BRINP1: variants seen among roughly 807,000 people sequenced by gnomAD.
BRINP1 encodes BMP/retinoic acid-inducible neural-specific protein 1.
In BRINP1, 17 loss-of-function variants were observed where a neutral mutation model predicts 72.9. The observed-to-expected ratio is 0.23, with a 90% confidence interval of 0.16 to 0.35. BRINP1 has a LOEUF of 0.35. Among genes scored for constraint, BRINP1 ranks in the 10% least tolerant of loss-of-function variants. The pLI is 1.00. For synonymous variants in BRINP1, 418 were observed against 378.5 expected, an observed-to-expected ratio of 1.10 and a Z score of -1.21; for missense variants, 850 against 1,001.6, an observed-to-expected ratio of 0.85 and a Z score of 2.04.
chr9:119,195,170 A>T (rs1186620339), intron 7 of BRINP1, among the ~76,000 whole-genome samples: 2 of 152,098 alleles, frequency 1.3e-5, no homozygotes, highest in Admixed American at 1.3e-4. Context: ...TATCTTCTAG[A>T]TCTTGAGCTG....
At chr9:119,232,170 C>G (rs1384095881) in intron 5 of BRINP1, among the ~76,000 whole-genome samples, 2 of 152,146 alleles carry the variant, frequency 1.3e-5, no homozygotes, top group Non-Finnish European at 2.9e-5. Context: ...ACTTCTCTCT[C>G]TCACAAATAC....
chr9:119,206,090 C>T (rs1280688859), intron 7 of BRINP1, among the ~76,000 whole-genome samples: 1 of 152,058 alleles, frequency 6.6e-6, no homozygotes, highest in African/African-American at 2.4e-5. Context: ...TTTAGGTCAG[C>T]TCTAATCCAA....
intron 2 of BRINP1, among the ~76,000 whole-genome samples, chr9:119,252,963 C>T (rs1338183452): frequency 6.6e-6 from 1 of 152,146 alleles, no homozygotes; most frequent in African/African-American, 2.4e-5. Context: ...ATGCCTATGC[C>T]AGGTACCCAG....
chr9:119,241,624 G>T (rs1250148963), intron 4 of BRINP1, among the ~76,000 whole-genome samples: 1 of 152,144 alleles, frequency 6.6e-6, no homozygotes, highest in Non-Finnish European at 1.5e-5. Flanking sequence ...GGTGAGTGGG[G>T]AGGAAAGAAT....
chr9:119,252,689 T>G (rs903296687), intron 2 of BRINP1, among the ~76,000 whole-genome samples: 6 of 152,080 alleles, frequency 3.9e-5, no homozygotes, highest in Non-Finnish European at 5.9e-5. Flanking sequence ...TTAAAGGTCA[T>G]GTAGCTAATG....
chr9:119,294,233 T>C lies in BRINP1; in HGVS notation c.218+18905A>G, dbSNP rs1260891171. On this transcript the variant is annotated intron_variant, in intron 2 of 7. Transcript: ENST00000265922. ...AGTAAAAGACATATATTCTGAAAAT[T>C]ATAAAACGTTGATGAGGCTGGGCAC... Among the ~76,000 whole-genome samples, 4 of 152,124 alleles carry C rather than the reference T, an allele frequency of 2.6e-5. No individual in the cohort carries two copies. In the East Asian group the frequency reaches 7.7e-4, roughly 29 times the overall value.
At chr9:119,349,816 T>C (rs1223201280) in intron 1 of BRINP1, among the ~76,000 whole-genome samples, 1 of 152,194 alleles carries the variant, frequency 6.6e-6, no homozygotes, top group Non-Finnish European at 1.5e-5. Context: ...CAGGAAAACC[T>C]GGATTCAGAT....
chr9:119,185,529 C>T (rs1468237413), intron 7 of BRINP1, among the ~76,000 whole-genome samples: 1 of 152,092 alleles, frequency 6.6e-6, no homozygotes, highest in Non-Finnish European at 1.5e-5. Flanking sequence ...CGTTGCCCAA[C>T]ACAAAAAAGG....
At chr9:119,311,149 T>C (rs893812382) in intron 2 of BRINP1, among the ~76,000 whole-genome samples, 2 of 152,214 alleles carry the variant, frequency 1.3e-5, no homozygotes, top group African/African-American at 2.4e-5. Context: ...AACTACTATA[T>C]TTATTTTACT....
chr9:119,342,521 C>A (rs1195314558), intron 1 of BRINP1, among the ~76,000 whole-genome samples: 1 of 152,150 alleles, frequency 6.6e-6, no homozygotes, highest in Non-Finnish European at 1.5e-5. Context: ...CCCAAACCTG[C>A]CAAATACAAC....
At chr9:119,290,444 C>A (rs1830809842) in intron 2 of BRINP1, among the ~76,000 whole-genome samples, 1 of 152,110 alleles carries the variant, frequency 6.6e-6, no homozygotes, top group Non-Finnish European at 1.5e-5. Context: ...CTGGTTTAGT[C>A]CCCTGACCAA....
intron 5 of BRINP1, among the ~76,000 whole-genome samples, chr9:119,236,546 A>C (rs1022981242): frequency 2.0e-5 from 3 of 152,144 alleles, no homozygotes; most frequent in African/African-American, 7.2e-5. Flanking sequence ...GGAATATGTC[A>C]TTAATTCCTT....
At chr9:119,221,038 C>G (rs1043477641) in intron 5 of BRINP1, among the ~76,000 whole-genome samples, 14 of 152,086 alleles carry the variant, frequency 9.2e-5, no homozygotes, top group African/African-American at 3.4e-4. Flanking sequence ...CTTTTCTGAC[C>G]TATTTCATTA....
At chr9:119,276,990 T>C (rs2118957554) in intron 2 of BRINP1, among the ~76,000 whole-genome samples, 1 of 152,262 alleles carries the variant, frequency 6.6e-6, no homozygotes, top group South Asian at 2.1e-4. Flanking sequence ...GTAATCAGCC[T>C]TGGAAACCAC....
chr9:119,287,871 A>C (rs1277584481), intron 2 of BRINP1, among the ~76,000 whole-genome samples: 2 of 152,236 alleles, frequency 1.3e-5, no homozygotes, highest in African/African-American at 4.8e-5. Context: ...GAGGATCAGA[A>C]AAAAGTATCT....
At chr9:119,291,402 T>A (rs569849684) in intron 2 of BRINP1, among the ~76,000 whole-genome samples, 33 of 152,288 alleles carry the variant, frequency 2.2e-4, no homozygotes, top group African/African-American at 7.5e-4. Context: ...CTAATTAGAA[T>A]CCCTTTGGTG....
intron 1 of BRINP1, among the ~76,000 whole-genome samples, chr9:119,342,917 A>AGGTGAACAG (rs1831418804): frequency 6.6e-6 from 1 of 152,186 alleles, no homozygotes; most frequent in East Asian, 1.9e-4. Flanking sequence ...CTATTATAAT[A>AGGTGAACAG]TTAAAGAACT....
chr9:119,198,556 G>C (rs573320013), intron 7 of BRINP1, among the ~76,000 whole-genome samples: 1 of 151,916 alleles, frequency 6.6e-6, no homozygotes, highest in Non-Finnish European at 1.5e-5. Context: ...TGATAGGCTC[G>C]TGCTTTATTT....
chr9:119,214,224 A>G lies in BRINP1; in HGVS notation c.686-69T>C, dbSNP rs562130071. 529 of 1,163,906 alleles carry G rather than the reference A, an allele frequency of 4.5e-4. 8 individuals carry two copies. The South Asian group carries it at 6.9e-3, about 15-fold the overall frequency. 72.1% of individuals were successfully genotyped at this position (1,163,906 alleles called of 1,614,324 possible). On this transcript the variant is annotated intron_variant, in intron 5 of 7. Coordinates refer to ENST00000265922, the MANE Select transcript of BRINP1 (RefSeq NM_014618.3). ...AAGGTGTTTCATTAACAATTTCCAAAGGTGATACATAGGAATCTGAAGCTG... is the reference window on the plus strand; with the variant it reads ...AAGGTGTTTCATTAACAATTTCCAAGGGTGATACATAGGAATCTGAAGCTG...
Sources: gnomAD v4.1 joint callset for allele counts (sites outside exome capture counted in the v4.1 genomes callset) on GRCh38, gnomAD v4.1.1 for gene constraint, MANE v1.5 for transcripts, NCBI Gene and HGNC (gene_info 2026-07-23, HGNC 2026-07-21) for gene names.